Variants in TPM3 observed in about 807,000 individuals in gnomAD.
The protein encoded by TPM3 is tropomyosin alpha-3 chain.
In TPM3, 16 loss-of-function variants were observed where a neutral mutation model predicts 43.1. That is an observed-to-expected ratio of 0.37 (90% CI 0.25 to 0.56). TPM3 has a LOEUF of 0.56. TPM3 is among the 20% of genes least tolerant of loss of function. TPM3 has a pLI of 0.77. For synonymous variants in TPM3, 101 were observed against 116.9 expected (o/e 0.86, Z 0.88); for missense variants, 176 against 337.2 (o/e 0.52, Z 3.74).
chr1:154,169,066 C>T (rs1015146839), intron 9 of TPM3, among the ~76,000 whole-genome samples: 3 of 152,102 alleles, frequency 2.0e-5, no homozygotes, highest in Non-Finnish European at 4.4e-5. Flanking sequence ...CAACTCCTGA[C>T]CTCACGTGAT....
intron 2 of TPM3, chr1:154,177,998 T>G (rs953853033): frequency 1.0e-5 from 3 of 288,012 alleles, no homozygotes; most frequent in African/African-American, 6.9e-5. Flanking sequence ...TCCAGAAAAA[T>G]AGATGTTCTC....
rs750493083 is a variant in TPM3 at position 154,170,472 on chromosome 1, G to A, written c.706-3C>T. 1.2e-6 allele frequency: 2 copies of A among 1,614,028 alleles called. No individual in the cohort carries two copies. The highest frequency in any genetic ancestry group is 2.2e-5 in the South Asian group (2 of 91,078). On this transcript the variant is annotated splice_polypyrimidine_tract_variant and splice_region_variant and intron_variant, in intron 7 of 9. Coordinates refer to ENST00000651641, the MANE Select transcript of TPM3 (RefSeq NM_152263.4). ...GCAAACTCAGCACGGGTCTCTGCCT[G>A]GGGGAAATATGAAATTAGTCAGAAC... is the stretch of plus-strand genomic sequence containing the variant.
At chr1:154,182,122 G>A (rs533295816) in intron 2 of TPM3, among the ~76,000 whole-genome samples, 4 of 152,274 alleles carry the variant, frequency 2.6e-5, no homozygotes, top group Admixed American at 2.6e-4. Context: ...TATCAGCTCT[G>A]CTCGGAAGAA....
At position 154,166,036 on chromosome 1, in the gene TPM3, C is replaced by T. The variant is rs1052532619; in HGVS notation, c.*1901G>A. Among the ~76,000 whole-genome samples the T allele has an allele frequency of 1.3e-5, 2 of 152,116 alleles. No homozygotes were observed. The highest frequency in any genetic ancestry group is 2.9e-5 in the Non-Finnish European group (2 of 68,024). On this transcript the variant is annotated 3_prime_UTR_variant, in exon 10 of 10. Transcript: ENST00000651641. ...AGGAATGGTGCCTCCATCTTTATTTCTGTCTCCATCTTAATATCCTATACC... is the reference window on the plus strand; with the variant it reads ...AGGAATGGTGCCTCCATCTTTATTTTTGTCTCCATCTTAATATCCTATACC...
chr1:154,179,640 A>G (rs1294113493), intron 2 of TPM3, among the ~76,000 whole-genome samples: 2 of 152,102 alleles, frequency 1.3e-5, no homozygotes, highest in African/African-American at 4.8e-5. Flanking sequence ...GTACAGTGGC[A>G]TGATCCAATC....
At chr1:154,178,113 C>T (rs575226915) in intron 2 of TPM3, 77 of 984,714 alleles carry the variant, frequency 7.8e-5, no homozygotes, top group Non-Finnish European at 9.2e-5. Context: ...AAATGACTTA[C>T]CCCCCTCAGA....
chr1:154,169,239 C>A, intron 9 of TPM3, 66 bp downstream of exon 9: 1 of 1,467,468 alleles, frequency 6.8e-7, no homozygotes. Context: ...CACCACTATG[C>A]ATAGCTTGTA....
chr1:154,176,634 C>G (rs1345108535), intron 2 of TPM3, among the ~76,000 whole-genome samples: 1 of 118,352 alleles, frequency 8.4e-6, no homozygotes, highest in Non-Finnish European at 1.6e-5. Flanking sequence ...AGTAACCTTT[C>G]AAGTGTCTCA....
chr1:154,156,884 C>G (rs1430213362), downstream of TPM3: 11 of 196,156 alleles, frequency 5.6e-5, no homozygotes, highest in Non-Finnish European at 1.2e-4. Context: ...AAGTGGTCAC[C>G]TCAACATAAG....
At chr1:154,159,073 G>GA, downstream of TPM3, 1 of 779,936 alleles carries the variant, frequency 1.3e-6, no homozygotes, top group Non-Finnish European at 2.4e-6. Context: ...GAGAGGAGGG[G>GA]AACACAAGAG....
intron 2 of TPM3, chr1:154,178,305 G>T: frequency 2.0e-6 from 1 of 492,302 alleles, no homozygotes; most frequent in Non-Finnish European, 2.6e-6. Context: ...AGAATTCTTA[G>T]CAAGGCTGAA....
Position 154,167,213 on chromosome 1 carries a change from G to A in TPM3, c.*724C>T, listed in dbSNP as rs1474179490. On this transcript the variant is annotated 3_prime_UTR_variant, in exon 10 of 10. Transcript: ENST00000651641. ...TAGCAAGTCTCAAATATGTAAGAAA[G>A]GTTTAAAGAAGAAAAAGTAAAAAAA... 3.9e-6 allele frequency: 3 copies of A among 770,430 alleles called. No individual in the cohort carries two copies. The highest frequency in any genetic ancestry group is 1.3e-4 in the East Asian group (1 of 7,778). The allele number at this position is 770,430 out of a possible 1,614,324, so 47.7% of individuals were successfully genotyped here.
intron 2 of TPM3, among the ~76,000 whole-genome samples, chr1:154,182,758 C>G (rs1234444657): frequency 6.6e-6 from 1 of 152,092 alleles, no homozygotes; most frequent in Non-Finnish European, 1.5e-5. Context: ...CCCCAAACCC[C>G]GTAAGGCTCA....
downstream of TPM3, chr1:154,158,547 C>T: frequency 5.8e-6 from 2 of 345,424 alleles, no homozygotes; most frequent in South Asian, 3.8e-5. Context: ...TTTCACTTCC[C>T]TTTTTTCCAC....
At chr1:154,157,626 G>C (rs767118253), downstream of TPM3, 2 of 776,560 alleles carry the variant, frequency 2.6e-6, no homozygotes, top group South Asian at 2.7e-5. Context: ...CAGCAGGGTG[G>C]GACTGGGGCG....
At chr1:154,185,785 A>G (rs1263610984) in intron 2 of TPM3, among the ~76,000 whole-genome samples, 2 of 151,372 alleles carry the variant, frequency 1.3e-5, no homozygotes, top group Non-Finnish European at 2.9e-5. Context: ...CTGGAAGCAC[A>G]ATAGTAAAGA....
intron 2 of TPM3, among the ~76,000 whole-genome samples, chr1:154,179,522 T>A (rs1662706501): frequency 6.6e-6 from 1 of 152,110 alleles, no homozygotes; most frequent in South Asian, 2.1e-4. Flanking sequence ...CTCTTAAGGT[T>A]TTTGTTATTA....
At chr1:154,183,381 T>TG in intron 2 of TPM3, 1 of 1,245,760 alleles carries the variant, frequency 8.0e-7, no homozygotes, top group South Asian at 1.5e-5. Context: ...GCCAGTAAAC[T>TG]GGGACGGGGT....
chr1:154,158,838 GC>G (rs1660068656), downstream of TPM3: 3 of 695,532 alleles, frequency 4.3e-6, no homozygotes, highest in Non-Finnish European at 7.9e-6. Flanking sequence ...CATTCTAACT[GC>G]CCCAATTAAA....
Sources: allele counts gnomAD v4.1 joint callset (sites outside exome capture counted in the v4.1 genomes callset), GRCh38; gene constraint gnomAD v4.1.1; transcripts MANE v1.5; gene names NCBI Gene and HGNC (gene_info 2026-07-23, HGNC 2026-07-21).